Variants in ACTL6B observed in about 807,000 individuals in gnomAD.
ACTL6B encodes the protein actin-like protein 6B.
ACTL6B carries 48 observed loss-of-function variants against 63.3 expected under a neutral mutation model. The ratio of observed to expected loss-of-function variants is 0.76; its 90% CI spans 0.60 to 0.96. The LOEUF (loss-of-function observed/expected upper bound fraction) is 0.96. Ranked by LOEUF, ACTL6B falls within the 50% of genes least tolerant of loss-of-function variation. The probability of loss-of-function intolerance (pLI) is 0.00; values close to 1 mark genes in which losing one functional copy is unlikely to be tolerated. For synonymous variants in ACTL6B, 230 were observed against 223.8 expected, an observed-to-expected ratio of 1.03 and a Z score of -0.25; for missense variants, 350 against 572.2, an observed-to-expected ratio of 0.61 and a Z score of 3.96.
intron 5 of ACTL6B, 140 bp downstream of exon 5, chr7:100,649,897 TG>T: frequency 1.4e-6 from 1 of 703,878 alleles, no homozygotes; most frequent in South Asian, 1.7e-5. Flanking sequence ...TCTGCACTAG[TG>T]GGGCAGAGGG....
At chr7:100,656,274 A>T in intron 1 of ACTL6B, 56 bp downstream of exon 1, 1 of 1,372,888 alleles carries the variant, frequency 7.3e-7, no homozygotes. Context: ...GCTCGGATGG[A>T]TGGCGCGGGT....
At position 100,655,418 on chromosome 7, in the gene ACTL6B, TACTC is replaced by T; in HGVS notation, c.267_268+2del. The T allele has an allele frequency of 6.2e-7, 1 of 1,613,416 alleles. No individual in the cohort carries two copies. The highest frequency in any genetic ancestry group is 8.5e-7 in the Non-Finnish European group (1 of 1,179,636). ...CAGGAGGTGATGGGTGGGGGCCCCT[TACTC>T]ATGCCATTCTTGAGGGGCGACATGA... On this transcript the variant is annotated splice_donor_variant and coding_sequence_variant, in exon 3 of 14. Coordinates refer to ENST00000160382, the MANE Select transcript of ACTL6B (RefSeq NM_016188.5). LOFTEE classifies it high-confidence loss of function. This position sits in a 1 kb window ranked among gnomAD's most constrained non-coding sequence, Gnocchi z 4.4.
intron 13 of ACTL6B, among the ~76,000 whole-genome samples, chr7:100,645,449 C>G (rs550948537): frequency 6.6e-6 from 1 of 152,216 alleles, no homozygotes; most frequent in Admixed American, 6.6e-5. Flanking sequence ...TGTAAGGTCC[C>G]CTTGACCCCA....
At position 100,649,821 on chromosome 7, in the gene ACTL6B, C is replaced by T. The variant is rs186744362; in HGVS notation, c.467+217G>A. 140 of 509,572 alleles carry T rather than the reference C, an allele frequency of 2.7e-4. 2 individuals carry two copies. The East Asian group carries it at 3.3e-3, about 12-fold the overall frequency. The allele number at this position is 509,572 out of a possible 1,614,324, so 31.6% of individuals were successfully genotyped here. Reference sequence around the variant, plus strand: ...AGCTCACTGTCTGCTCAGCCTGATCCGGGGAACCGAAAGGGGCCGCTGATC... The same window carrying T: ...AGCTCACTGTCTGCTCAGCCTGATCTGGGGAACCGAAAGGGGCCGCTGATC... On this transcript the variant is annotated intron_variant, in intron 5 of 13. Coordinates refer to ENST00000160382, the MANE Select transcript of ACTL6B (RefSeq NM_016188.5).
rs145956647 is a variant in ACTL6B, at chr7:100,644,488, C to T, written c.1201-1162G>A. 9.7e-3 allele frequency among the ~76,000 whole-genome samples: 1,475 copies of T among 152,254 alleles called. 19 individuals are homozygous for T. The highest frequency in any genetic ancestry group is 0.034 in the African/African-American group (1,399 of 41,560). On this transcript the variant is annotated intron_variant, in intron 13 of 13. Coordinates refer to ENST00000160382, the MANE Select transcript of ACTL6B (RefSeq NM_016188.5). Reference sequence around the variant, plus strand: ...GTTTTTTTTGAGACAGGATCTTGCTCTGTCACCCAGGTTGGAATGCAGTGG... The same window carrying T: ...GTTTTTTTTGAGACAGGATCTTGCTTTGTCACCCAGGTTGGAATGCAGTGG...
At chr7:100,654,907 G>C in intron 4 of ACTL6B, 112 bp downstream of exon 4, 1 of 879,356 alleles carries the variant, frequency 1.1e-6, no homozygotes, top group East Asian at 2.6e-5. Context: ...GTCTGAAAAG[G>C]GAAGGGAAGT....
chr7:100,649,840 G>T (rs572180426), intron 5 of ACTL6B, 198 bp downstream of exon 5: 3 of 534,050 alleles, frequency 5.6e-6, no homozygotes. Context: ...GAAAGGGGCC[G>T]CTGATCTGGC....
At chr7:100,649,506 C>T (rs1188636591) in intron 5 of ACTL6B, among the ~76,000 whole-genome samples, 1 of 151,860 alleles carries the variant, frequency 6.6e-6, no homozygotes, top group Non-Finnish European at 1.5e-5. Context: ...CCATGTTGGC[C>T]GGACTGGTCT....
intron 4 of ACTL6B, among the ~76,000 whole-genome samples, chr7:100,652,445 A>G (rs1803957968): frequency 6.7e-6 from 1 of 150,120 alleles, no homozygotes; most frequent in Non-Finnish European, 1.5e-5. Context: ...AAAATACAAA[A>G]AATTAGTCGG....
At chr7:100,650,363 C>T (rs1803917295) in intron 4 of ACTL6B, among the ~76,000 whole-genome samples, 1 of 151,698 alleles carries the variant, frequency 6.6e-6, no homozygotes, top group Non-Finnish European at 1.5e-5. Flanking sequence ...CACATACACT[C>T]ACATTCACAG....
chr7:100,650,151 A>G lies in ACTL6B; in HGVS notation c.370-16T>C. ...GTGTGTTCCACTGTGGAGAAAGTGC[A>G]GAGGGGGAGGATTCAGGAAGGGAGA... On this transcript the variant is annotated splice_polypyrimidine_tract_variant and intron_variant, in intron 4 of 13. Transcript: ENST00000160382. The G allele has an allele frequency of 6.2e-7, 1 of 1,612,668 alleles. No homozygotes were observed. The highest frequency in any genetic ancestry group is 8.5e-7 in the Non-Finnish European group (1 of 1,179,242).
chr7:100,650,345 AAC>A (rs1399660519), intron 4 of ACTL6B, among the ~76,000 whole-genome samples: 5 of 150,524 alleles, frequency 3.3e-5, no homozygotes, highest in Admixed American at 6.6e-5. Flanking sequence ...CATACACTCA[AAC>A]ACACACACAT....
At chr7:100,650,982 G>GAGCC (rs2131336392) in intron 4 of ACTL6B, among the ~76,000 whole-genome samples, 1 of 152,204 alleles carries the variant, frequency 6.6e-6, no homozygotes, top group South Asian at 2.1e-4. Flanking sequence ...TAAGTGCCTA[G>GAGCC]AGCCATGAAT....
In ACTL6B at chr7:100,656,337, G is replaced by A; in HGVS notation, c.18C>T (p.Tyr6=). Residue 6 remains tyrosine, a synonymous_variant, in exon 1 of 14, where the codon TAC becomes TAT. Coordinates refer to ENST00000160382, the MANE Select transcript of ACTL6B (RefSeq NM_016188.5). Reference sequence around the variant, plus strand: ...GGCCCGAGGCTCGCTCACCTCCGCCGTAGACGCCCCCGCTCATAGTGCCCG... The same window carrying A: ...GGCCCGAGGCTCGCTCACCTCCGCCATAGACGCCCCCGCTCATAGTGCCCG... MSGGV[Y]GGDEVGALVF... The A allele has an allele frequency of 7.2e-7, 1 of 1,384,614 alleles. No individual in the cohort carries two copies. Among genetic ancestry groups the A allele is most frequent in the South Asian group, 1.6e-5 (1 of 62,554 alleles). The allele number at this position is 1,384,614 out of a possible 1,614,324, so 85.8% of individuals were successfully genotyped here.
Position 100,655,638 on chromosome 7 carries a change from G to T in ACTL6B, c.103-52C>A, listed in dbSNP as rs1291516724. 2 of 1,575,658 alleles carry T rather than the reference G, an allele frequency of 1.3e-6. No homozygotes were observed. Among genetic ancestry groups the T allele is most frequent in the Non-Finnish European group, 1.7e-6 (2 of 1,161,026 alleles). ...TGGCAGGGAGAGAGGTCACCCTCTT[G>T]CCCCTGTCCAGCCCCACAGCAGGGT... On this transcript the variant is annotated intron_variant, in intron 2 of 13. Transcript: ENST00000160382. This position sits in a 1 kb window ranked among gnomAD's most constrained non-coding sequence, Gnocchi z 4.4.
intron 4 of ACTL6B, among the ~76,000 whole-genome samples, chr7:100,652,999 CAAAAAAAAAAAAAAAAAAAAAAAAAAAA>C (rs58707737): frequency 5.0e-4 from 13 of 25,936 alleles, no homozygotes; most frequent in Admixed American, 3.7e-3. Context: ...AACTCCGTCT[CAAAAAAAAAAAAAAAAAAAAAAAAAAAA>C]AAAAAAAAAA....
intron 13 of ACTL6B, among the ~76,000 whole-genome samples, chr7:100,644,559 A>T (rs947380700): frequency 2.6e-5 from 4 of 152,048 alleles, no homozygotes; most frequent in African/African-American, 9.7e-5. Flanking sequence ...GTGATCCTCC[A>T]ACCTTGGCCT....
chr7:100,653,314 A>G (rs1161261010), intron 4 of ACTL6B, among the ~76,000 whole-genome samples: 1 of 152,102 alleles, frequency 6.6e-6, no homozygotes, highest in Non-Finnish European at 1.5e-5. Flanking sequence ...TTTCTAATTT[A>G]AAAAGAATGT....
At chr7:100,654,432 C>A (rs868594206) in intron 4 of ACTL6B, among the ~76,000 whole-genome samples, 2,485 of 137,448 alleles carry the variant, frequency 0.018, 47 homozygotes, top group African/African-American at 0.028. Flanking sequence ...CAAAGTTGAC[C>A]ATAATAATAA....
Sources: allele counts gnomAD v4.1 joint callset (sites outside exome capture counted in the v4.1 genomes callset), GRCh38; gene constraint gnomAD v4.1.1; non-coding constraint Gnocchi (gnomAD v3.1); transcripts MANE v1.5; gene names NCBI Gene and HGNC (gene_info 2026-07-23, HGNC 2026-07-21).